Variants in CAMTA1 observed in about 807,000 individuals in gnomAD.
CAMTA1 encodes calmodulin-binding transcription activator 1.
CAMTA1 carries 27 observed loss-of-function variants against 170.9 expected under a neutral mutation model. The ratio of observed to expected loss-of-function variants is 0.16; its 90% CI spans 0.12 to 0.22. The LOEUF is 0.22. CAMTA1 is among the 10% of genes least tolerant of loss of function. The pLI, the probability that CAMTA1 is intolerant of heterozygous loss-of-function variation, is 1.00. For missense variants in CAMTA1, 1,619 were observed against 2,217.2 expected, an observed-to-expected ratio of 0.73 and a Z score of 5.42; for synonymous variants, 833 against 891.5, an observed-to-expected ratio of 0.93 and a Z score of 1.17.
At chr1:7,151,142 A>G (rs1222792418) in intron 4 of CAMTA1, among the ~76,000 whole-genome samples, 1 of 152,240 alleles carries the variant, frequency 6.6e-6, no homozygotes, top group Non-Finnish European at 1.5e-5. Context: ...TTGCTGTCAA[A>G]TGCTAACAAG....
intron 7 of CAMTA1, among the ~76,000 whole-genome samples, chr1:7,654,060 C>T (rs572986954): frequency 1.3e-5 from 2 of 152,190 alleles, no homozygotes; most frequent in South Asian, 2.1e-4. Flanking sequence ...TTGAGCTGGG[C>T]TGTGCTGGAA....
At chr1:6,858,248 G>A (rs1404919567) in intron 3 of CAMTA1, among the ~76,000 whole-genome samples, 1 of 152,020 alleles carries the variant, frequency 6.6e-6, no homozygotes, top group African/African-American at 2.4e-5. Context: ...TTGTTTCATG[G>A]CATTCATTTT....
At chr1:7,330,912 A>T (rs1234054345) in intron 5 of CAMTA1, among the ~76,000 whole-genome samples, 1 of 152,106 alleles carries the variant, frequency 6.6e-6, no homozygotes, top group Non-Finnish European at 1.5e-5. Flanking sequence ...CTGCGGCCAC[A>T]TCGTAGGGCT....
At chr1:7,168,246 T>C (rs1317330278) in intron 4 of CAMTA1, among the ~76,000 whole-genome samples, 1 of 152,258 alleles carries the variant, frequency 6.6e-6, no homozygotes, top group African/African-American at 2.4e-5. Flanking sequence ...CTCTAGATTC[T>C]TTGAATTCTA....
Position 6,918,380 on chromosome 1 carries a change from G to A in CAMTA1, c.234+93170G>A, listed in dbSNP as rs1681286693. On this transcript the variant is annotated intron_variant, in intron 3 of 22. Transcript: ENST00000303635. This position sits in a 1 kb window ranked among gnomAD's most constrained non-coding sequence, Gnocchi z 4.0. ...CAGAGTTTGGGTAATCTATGCAAAG[G>A]CCCCTCAGCTGCCCTGCATCCATCA... 6.6e-6 allele frequency among the ~76,000 whole-genome samples: 1 copy of A among 152,150 alleles called. No individual in the cohort carries two copies. The highest frequency in any genetic ancestry group is 1.9e-4 in the East Asian group (1 of 5,190).
intron 11 of CAMTA1, among the ~76,000 whole-genome samples, chr1:7,715,910 C>T (rs753529857): frequency 6.6e-6 from 1 of 152,166 alleles, no homozygotes; most frequent in African/African-American, 2.4e-5. Context: ...TTTTCTGAAA[C>T]CCTGTACTTC....
At chr1:7,661,901 G>C (rs769073763) in intron 8 of CAMTA1, 35 bp downstream of exon 8, 1 of 1,565,272 alleles carries the variant, frequency 6.4e-7, no homozygotes, top group Non-Finnish European at 8.7e-7. Flanking sequence ...CGGGCGCCAC[G>C]GGGACAGAGG....
chr1:6,901,862 A>C (rs1038795344), intron 3 of CAMTA1, among the ~76,000 whole-genome samples: 1 of 152,090 alleles, frequency 6.6e-6, no homozygotes, highest in African/African-American at 2.4e-5. Context: ...CCTGGCCAAC[A>C]TGGTGAAACC....
chr1:7,541,433 G>A (rs904066863), intron 6 of CAMTA1, among the ~76,000 whole-genome samples: 3 of 152,190 alleles, frequency 2.0e-5, no homozygotes, highest in African/African-American at 7.2e-5. Context: ...ATGGCCACAG[G>A]ACTTGATTTG....
At chr1:7,289,478 C>T (rs1672807602) in intron 5 of CAMTA1, among the ~76,000 whole-genome samples, 1 of 152,118 alleles carries the variant, frequency 6.6e-6, no homozygotes, top group Admixed American at 6.5e-5. Flanking sequence ...AACAGGGGCT[C>T]CATTTCCTCA....
intron 9 of CAMTA1, among the ~76,000 whole-genome samples, chr1:7,668,634 C>T (rs771145975): frequency 1.3e-5 from 2 of 152,080 alleles, no homozygotes; most frequent in African/African-American, 2.4e-5. Flanking sequence ...GCCTCAGGCA[C>T]GCGCGTCACC....
At chr1:7,118,691 T>A (rs1573209044) in intron 4 of CAMTA1, among the ~76,000 whole-genome samples, 1 of 152,196 alleles carries the variant, frequency 6.6e-6, no homozygotes, top group East Asian at 1.9e-4. Flanking sequence ...AAAAAATGTG[T>A]GTCCCGGTGC....
chr1:7,341,434 C>T (rs571646930), intron 5 of CAMTA1, among the ~76,000 whole-genome samples: 5 of 152,222 alleles, frequency 3.3e-5, no homozygotes, highest in African/African-American at 4.8e-5. Flanking sequence ...TCCAGTGAAA[C>T]GAAAATATTT....
At chr1:7,332,188 T>A (rs1171141644) in intron 5 of CAMTA1, among the ~76,000 whole-genome samples, 1 of 152,130 alleles carries the variant, frequency 6.6e-6, no homozygotes, top group Non-Finnish European at 1.5e-5. Flanking sequence ...CACTCTGAGT[T>A]CCCTGTCAGG....
intron 7 of CAMTA1, among the ~76,000 whole-genome samples, chr1:7,646,396 C>G (rs2095804884): frequency 6.9e-6 from 1 of 144,058 alleles, no homozygotes; most frequent in Admixed American, 7.0e-5. Flanking sequence ...TGGTTGGAGG[C>G]CCTGGTGAGT....
intron 5 of CAMTA1, among the ~76,000 whole-genome samples, chr1:7,272,716 A>G (rs1157502262): frequency 7.4e-6 from 1 of 135,438 alleles, no homozygotes; most frequent in Non-Finnish European, 1.6e-5. Flanking sequence ...AAAAAAAAAA[A>G]GAAAAGAAAA....
chr1:7,569,263 A>G (rs562621001), intron 6 of CAMTA1, among the ~76,000 whole-genome samples: 2,105 of 144,470 alleles, frequency 0.015, 55 homozygotes, highest in African/African-American at 0.056. Context: ...CCAAATCACC[A>G]TCATCATCAT....
At chr1:6,997,555 T>C (rs904586623) in intron 3 of CAMTA1, among the ~76,000 whole-genome samples, 1 of 152,144 alleles carries the variant, frequency 6.6e-6, no homozygotes, top group Non-Finnish European at 1.5e-5. Flanking sequence ...TGGTTATTAG[T>C]TCTTCATACA....
At chr1:7,052,010 C>T (rs1383238424) in intron 3 of CAMTA1, among the ~76,000 whole-genome samples, 1 of 144,836 alleles carries the variant, frequency 6.9e-6, no homozygotes, top group East Asian at 2.1e-4. Context: ...CACTGCTGCC[C>T]TTCAGCCCTT....
Sources: allele counts gnomAD v4.1 joint callset (sites outside exome capture counted in the v4.1 genomes callset), GRCh38; gene constraint gnomAD v4.1.1; non-coding constraint Gnocchi (gnomAD v3.1); transcripts MANE v1.5; gene names NCBI Gene and HGNC (gene_info 2026-07-23, HGNC 2026-07-21).